The following ZNF839 variants were observed in gnomAD, a reference collection of about 807,000 sequenced individuals.
ZNF839 encodes the protein zinc finger protein 839.
A neutral mutation model predicts 56.4 loss-of-function variants in ZNF839; 38 were observed. That is an observed-to-expected ratio of 0.67 (90% confidence interval 0.52 to 0.88). The LOEUF is 0.88. Among genes scored for constraint, ZNF839 ranks in the 40% least tolerant of loss-of-function variants. The probability of loss-of-function intolerance (pLI) is 0.00; values close to 1 mark genes in which losing one functional copy is unlikely to be tolerated. For missense variants in ZNF839, 1,091 were observed against 1,177.6 expected (o/e 0.93, Z 1.08); for synonymous variants, 486 against 493.5 (o/e 0.98, Z 0.20).
intron 2 of ZNF839, among the ~76,000 whole-genome samples, chr14:102,330,511 G>A (rs1273094591): frequency 6.6e-6 from 1 of 151,542 alleles, no homozygotes; most frequent in Non-Finnish European, 1.5e-5. Flanking sequence ...TGGCATTACA[G>A]GCATGAGCCA....
At chr14:102,322,818 G>C (rs1414162700) in intron 1 of ZNF839, among the ~76,000 whole-genome samples, 4 of 152,186 alleles carry the variant, frequency 2.6e-5, no homozygotes, top group Non-Finnish European at 5.9e-5. Flanking sequence ...TCCCGCCTCA[G>C]CATCCCAAAG....
chr14:102,338,821 T>C lies in ZNF839; in HGVS notation c.1665T>C (p.Ala555=), dbSNP rs775041088. 9 of 1,613,928 alleles carry C rather than the reference T, an allele frequency of 5.6e-6. No homozygotes were observed. Among genetic ancestry groups the C allele is most frequent in the Middle Eastern group, 1.6e-4 (1 of 6,062 alleles). The change falls in exon 6 of 8, where the codon GCT becomes GCC. Residue 555 remains alanine, a synonymous_variant. Coordinates refer to ENST00000442396, the MANE Select transcript of ZNF839 (RefSeq NM_018335.6). ...ETLEINNDKV[A]ESLGITEFLR... is the part of the protein sequence containing the mutation. ...CTTGGCCCATTTCTTTTCAGGTTGC[T>C]GAGTCATTAGGAATCACAGAATTCC... is the stretch of plus-strand genomic sequence containing the variant.
chr14:102,331,952 G>A, intron 3 of ZNF839, 106 bp downstream of exon 3: 1 of 914,162 alleles, frequency 1.1e-6, no homozygotes, highest in Non-Finnish European at 1.6e-6. Flanking sequence ...AAATGTCATT[G>A]CATTAAGTGT....
In ZNF839 at chr14:102,326,483, GATT is replaced by G; in HGVS notation, c.790_792del (p.Tyr264del). Reference sequence around the variant, plus strand: ...TCGACCTCCCAAATATAAAGCTAAAGATTATAAGTTCATAAAAACAGAGGATCT... The same window carrying G: ...TCGACCTCCCAAATATAAAGCTAAAGATAAGTTCATAAAAACAGAGGATCT... On this transcript the variant is annotated inframe_deletion, in exon 2 of 8. Coordinates refer to ENST00000442396, the MANE Select transcript of ZNF839 (RefSeq NM_018335.6). The surrounding 1 kb of genome is among the most constrained non-coding windows in gnomAD (Gnocchi z 4.3). 1 of 1,613,982 alleles carries G rather than the reference GATT, an allele frequency of 6.2e-7. No homozygotes were observed. The highest frequency in any genetic ancestry group is 8.5e-7 in the Non-Finnish European group (1 of 1,179,896).
chr14:102,331,414 A>G (rs2073774898), intron 2 of ZNF839: 1 of 505,634 alleles, frequency 2.0e-6, no homozygotes, highest in South Asian at 2.3e-5. Context: ...GCGCCTGGCT[A>G]ATTTTTTGTA....
chr14:102,324,892 G>C (rs2073326509), intron 1 of ZNF839, among the ~76,000 whole-genome samples: 1 of 150,872 alleles, frequency 6.6e-6, no homozygotes, highest in South Asian at 2.1e-4. Flanking sequence ...GGAGGTCGCA[G>C]TGAGCCAAGA....
At chr14:102,328,369 AAAAAAAATATAT>A (rs1489820504) in intron 2 of ZNF839, among the ~76,000 whole-genome samples, 2 of 35,124 alleles carry the variant, frequency 5.7e-5, no homozygotes, top group Non-Finnish European at 1.1e-4. Context: ...AAAAAAAAAA[AAAAAAAATATAT>A]ATATATATAT....
At chr14:102,336,461 A>G (rs754292851) in intron 5 of ZNF839, among the ~76,000 whole-genome samples, 1 of 151,352 alleles carries the variant, frequency 6.6e-6, no homozygotes, top group Non-Finnish European at 1.5e-5. Context: ...TGCCCAGCTG[A>G]TTTTTTGTAT....
intron 1 of ZNF839, among the ~76,000 whole-genome samples, chr14:102,322,706 A>G (rs1214653963): frequency 6.6e-6 from 1 of 152,140 alleles, no homozygotes. Context: ...CTGGGGCTAC[A>G]TGTATGCACC....
At chr14:102,324,945 G>A (rs778542695) in intron 1 of ZNF839, among the ~76,000 whole-genome samples, 17 of 152,196 alleles carry the variant, frequency 1.1e-4, no homozygotes, top group East Asian at 5.8e-4. Context: ...GCAAGGGTCC[G>A]TCTCAAAAGA....
intron 1 of ZNF839, among the ~76,000 whole-genome samples, chr14:102,321,896 A>C (rs925538783): frequency 1.3e-5 from 2 of 152,086 alleles, no homozygotes; most frequent in Non-Finnish European, 2.9e-5. Flanking sequence ...CAGAAGGCCC[A>C]GTGTTCGCTG....
chr14:102,340,276 T>G (rs1332471938), intron 7 of ZNF839, among the ~76,000 whole-genome samples: 1 of 31,820 alleles, frequency 3.1e-5, no homozygotes, highest in Non-Finnish European at 1.3e-4. Context: ...ACGCCAGCCT[T>G]TTTTTTTTTT....
chr14:102,340,308 G>A (rs567218048), intron 7 of ZNF839, among the ~76,000 whole-genome samples: 1 of 135,550 alleles, frequency 7.4e-6, no homozygotes, highest in African/African-American at 2.8e-5. Flanking sequence ...GTCTTGCTCT[G>A]TCACCCAGGC....
At position 102,326,560 on chromosome 14, in the gene ZNF839, G is replaced by A; in HGVS notation, c.864G>A (p.Val288=). 1 of 1,613,986 alleles carries A rather than the reference G, an allele frequency of 6.2e-7. No individual in the cohort carries two copies. Residue 288 remains valine, a synonymous_variant, in exon 2 of 8, where the codon GTG becomes GTA. Transcript: ENST00000442396. This position sits in a 1 kb window ranked among gnomAD's most constrained non-coding sequence, Gnocchi z 4.3. ...CTGATGATTACTCAGAACTCTGTGT[G>A]GAAGAAGATGAAGATCAGAGGGAGA... The part of the protein sequence containing the change: ...SDSDDYSELC[V]EEDEDQRERH...
chr14:102,326,814 C>A lies in ZNF839; in HGVS notation c.1118C>A (p.Ser373Tyr). Residue 373 changes from serine (S) to tyrosine (Y), a missense_variant, in exon 2 of 8, where the codon TCC becomes TAC. By Grantham distance (144) the Ser-to-Tyr change is moderately radical. Around this residue, in one of 3 missense-constraint regions of ZNF839, gnomAD observed 614 missense variants for 629.2 expected, o/e 0.98. Transcript: ENST00000442396. This position sits in a 1 kb window ranked among gnomAD's most constrained non-coding sequence, Gnocchi z 4.3. ...CTCAGCCTGACCTCCCTGGGGCTGT[C>A]CATGCCAGCGGATCCATGTGAGGGA... ...RTLSLTSLGL[S>Y]MPADPCEGGA... 1 of 1,611,596 alleles carries A rather than the reference C, an allele frequency of 6.2e-7. No homozygotes were observed. The highest frequency in any genetic ancestry group is 2.2e-5 in the East Asian group (1 of 44,778).
rs751137418 is a variant in ZNF839, at chr14:102,339,240, G to C, written c.1927+17G>C. The C allele has an allele frequency of 2.5e-6, 4 of 1,607,006 alleles. No homozygotes were observed. The Admixed American group carries it at 6.8e-5, about 27-fold the overall frequency. Reference sequence around the variant, plus strand: ...TGGCCGCTGGTGAGGGTAAAATGCTGTTTGTGGGGTGTATCCATGGCCTGG... The same window carrying C: ...TGGCCGCTGGTGAGGGTAAAATGCTCTTTGTGGGGTGTATCCATGGCCTGG... On this transcript the variant is annotated intron_variant, in intron 7 of 7. Transcript: ENST00000442396.
At chr14:102,318,354 C>T (rs72698580), upstream of ZNF839, among the ~76,000 whole-genome samples, 5,031 of 152,198 alleles carry the variant, frequency 0.033, 132 homozygotes, top group South Asian at 0.085. Context: ...GAAATCTGGT[C>T]GGGTGTGGTG....
chr14:102,325,440 GA>G (rs1312013048), intron 1 of ZNF839, among the ~76,000 whole-genome samples: 2 of 151,990 alleles, frequency 1.3e-5, no homozygotes, highest in Non-Finnish European at 2.9e-5. Context: ...TATGTATGCA[GA>G]TATTTATATA....
At chr14:102,340,447 T>C (rs1886388118) in intron 7 of ZNF839, among the ~76,000 whole-genome samples, 1 of 151,724 alleles carries the variant, frequency 6.6e-6, no homozygotes, top group Admixed American at 6.6e-5. Flanking sequence ...AATTTTTGTA[T>C]TTTTAGTAGA....
Sources: allele counts gnomAD v4.1 joint callset (sites outside exome capture counted in the v4.1 genomes callset), GRCh38; gene constraint gnomAD v4.1.1; regional missense constraint gnomAD v4.1.1; non-coding constraint Gnocchi (gnomAD v3.1); transcripts MANE v1.5; gene names NCBI Gene and HGNC (gene_info 2026-07-23, HGNC 2026-07-21).